KCNN2: variants seen among roughly 807,000 people sequenced by gnomAD.
KCNN2 encodes the protein small conductance calcium-activated potassium channel protein 2.
KCNN2 carries 24 observed loss-of-function variants against 55.5 expected under a neutral mutation model. The ratio of observed to expected loss-of-function variants is 0.43; its 90% CI spans 0.31 to 0.61. The LOEUF (loss-of-function observed/expected upper bound fraction) is 0.61. Among genes scored for constraint, KCNN2 ranks in the 20% least tolerant of loss-of-function variants. The pLI, the probability that KCNN2 is intolerant of heterozygous loss-of-function variation, is 0.08. For missense variants in KCNN2, 754 were observed against 853.6 expected (o/e 0.88, Z 1.45); for synonymous variants, 431 against 336.1 (o/e 1.28, Z -3.09).
chr5:114,338,149 A>T (rs1217962147), intron 2 of KCNN2, among the ~76,000 whole-genome samples: 1 of 152,166 alleles, frequency 6.6e-6, no homozygotes, highest in African/African-American at 2.4e-5. Context: ...ATTTTAAGTC[A>T]TGCTTTCCTT....
chr5:114,423,193 A>G (rs1264848149), intron 3 of KCNN2, among the ~76,000 whole-genome samples: 1 of 152,218 alleles, frequency 6.6e-6, no homozygotes, highest in Non-Finnish European at 1.5e-5. Flanking sequence ...CAAGCACTAA[A>G]CCTGGAACAG....
chr5:114,447,190 C>T (rs575438907), intron 3 of KCNN2, among the ~76,000 whole-genome samples: 1 of 152,242 alleles, frequency 6.6e-6, no homozygotes, highest in African/African-American at 2.4e-5. Flanking sequence ...TATTTATATC[C>T]TCTAGAGCAC....
chr5:114,486,666 C>T (rs1194529419), intron 5 of KCNN2: 2 of 1,086,664 alleles, frequency 1.8e-6, no homozygotes, highest in South Asian at 1.4e-5. Context: ...ACAAGATTAA[C>T]CTTGGCCTCA....
rs556803879 is a variant in KCNN2, at chr5:114,473,679, T to C, written c.1890+515T>C. ...ATGTTAAAAATAGTATACCATCCAG[T>C]TGGGCAATCGCTGTCCAAATATTAG... is the stretch of plus-strand genomic sequence containing the variant. On this transcript the variant is annotated intron_variant, in intron 5 of 7. Transcript: ENST00000673685. 2.0e-5 allele frequency among the ~76,000 whole-genome samples: 3 copies of C among 152,272 alleles called. No individual in the cohort carries two copies. In the South Asian group the frequency reaches 6.2e-4, roughly 32 times the overall value.
chr5:114,496,082 A>T lies in KCNN2; in HGVS notation c.2276A>T (p.Tyr759Phe). The part of the protein sequence containing the change: ...RDFIEAQMES[Y>F]DKHVTYNAER... ...TTCATTGAGGCTCAGATGGAGAGCT[A>T]CGACAAGCACGTCACTTACAATGCT... The change falls in exon 8 of 8, where the codon TAC becomes TTC. Residue 759 changes from tyrosine to phenylalanine, a missense_variant. By Grantham distance (22) the Tyr-to-Phe change is conservative. Transcript: ENST00000673685. 1 of 1,614,096 alleles carries T rather than the reference A, an allele frequency of 6.2e-7. No individual in the cohort carries two copies. Among genetic ancestry groups the T allele is most frequent in the Non-Finnish European group, 8.5e-7 (1 of 1,179,976 alleles).
intron 2 of KCNN2, among the ~76,000 whole-genome samples, chr5:114,312,416 CACACACACACACACACACATATAT>C (rs1420318728): frequency 7.8e-5 from 6 of 77,208 alleles, no homozygotes; most frequent in African/African-American, 1.7e-4. Context: ...CACACACACA[CACACACACACACACACACATATAT>C]ATATATATAT....
intron 1 of KCNN2, among the ~76,000 whole-genome samples, chr5:114,220,128 G>A (rs139522991): frequency 9.9e-5 from 15 of 152,218 alleles, no homozygotes; most frequent in South Asian, 2.1e-4. Flanking sequence ...AAAACTGGCC[G>A]TGTAAAACAA....
intron 1 of KCNN2, among the ~76,000 whole-genome samples, chr5:114,175,941 A>G (rs563184377): frequency 2.6e-5 from 4 of 152,326 alleles, no homozygotes; most frequent in South Asian, 4.1e-4. Flanking sequence ...GGCAATTGCT[A>G]TACAGTTATT....
At chr5:114,118,203 G>C (rs1422094025) in intron 1 of KCNN2, among the ~76,000 whole-genome samples, 1 of 152,106 alleles carries the variant, frequency 6.6e-6, no homozygotes, top group East Asian at 1.9e-4. Flanking sequence ...AGGAGCTGCG[G>C]TGCTCTATTG....
At chr5:114,355,400 T>C (rs1049629389) in intron 2 of KCNN2, among the ~76,000 whole-genome samples, 1 of 152,138 alleles carries the variant, frequency 6.6e-6, no homozygotes, top group South Asian at 2.1e-4. Context: ...AAAGGGAAAA[T>C]AAACCTTCAG....
Sources: allele counts gnomAD v4.1 joint callset (sites outside exome capture counted in the v4.1 genomes callset), GRCh38; gene constraint gnomAD v4.1.1; transcripts MANE v1.5; gene names NCBI Gene and HGNC (gene_info 2026-07-23, HGNC 2026-07-21).